KCNJ16: variants seen among roughly 807,000 people sequenced by gnomAD.
KCNJ16 encodes the protein potassium inwardly rectifying channel subfamily J member 16, also known as inward rectifier potassium channel 16.
A neutral mutation model predicts 18.5 loss-of-function variants in KCNJ16; 15 were observed. The ratio of observed to expected loss-of-function variants is 0.81; its 90% CI spans 0.54 to 1.25. The LOEUF (loss-of-function observed/expected upper bound fraction) is 1.25. KCNJ16 is among the 50% of genes most tolerant of loss of function. The pLI is 0.00. For synonymous variants in KCNJ16, 174 were observed against 186.5 expected (o/e 0.93, Z 0.55); for missense variants, 523 against 525.7 (o/e 0.99, Z 0.05).
Position 70,134,685 on chromosome 17 carries a change from T to G in KCNJ16, c.*1341T>G, listed in dbSNP as rs1018122811. 8 of 167,032 alleles carry G rather than the reference T, an allele frequency of 4.8e-5. No homozygotes were observed. The highest frequency in any genetic ancestry group is 1.3e-4 in the Admixed American group (2 of 15,296). The allele number at this position is 167,032 out of a possible 1,614,324, so 10.3% of individuals were successfully genotyped here. A position where few individuals can be genotyped will look rare whatever the true frequency, so the allele number is the denominator to read the frequency against. Reference sequence around the variant, plus strand: ...ATTCAGAATTATTTGTGTTTTGTTTTTGTTTTACATTGTTGCTGCACTGGC... The same window carrying G: ...ATTCAGAATTATTTGTGTTTTGTTTGTGTTTTACATTGTTGCTGCACTGGC... On this transcript the variant is annotated 3_prime_UTR_variant, in exon 4 of 4. Transcript: ENST00000392671.
chr17:70,085,055 C>T (rs549301776), intron 1 of KCNJ16, among the ~76,000 whole-genome samples: 1 of 152,248 alleles, frequency 6.6e-6, no homozygotes, highest in Non-Finnish European at 1.5e-5. Context: ...TTCTCTGTAT[C>T]ATGAAGATAC....
chr17:70,123,030 C>T (rs187633332), intron 2 of KCNJ16, among the ~76,000 whole-genome samples: 3 of 152,316 alleles, frequency 2.0e-5, no homozygotes, highest in Admixed American at 1.3e-4. Context: ...TTTCCCCCAA[C>T]TGATTTTCCA....
chr17:70,102,836 G>T (rs983172913), intron 2 of KCNJ16, among the ~76,000 whole-genome samples: 2 of 152,038 alleles, frequency 1.3e-5, no homozygotes, highest in African/African-American at 4.8e-5. Flanking sequence ...TTTCATCAAG[G>T]TCACCAGTGA....
chr17:70,112,315 C>A (rs755585166), intron 2 of KCNJ16, among the ~76,000 whole-genome samples: 2 of 151,774 alleles, frequency 1.3e-5, no homozygotes, highest in African/African-American at 4.8e-5. Context: ...CTGGCATGGG[C>A]ATATTCACAA....
intron 2 of KCNJ16, among the ~76,000 whole-genome samples, chr17:70,124,294 C>T (rs760541382): frequency 6.6e-6 from 1 of 152,138 alleles, no homozygotes; most frequent in Non-Finnish European, 1.5e-5. Flanking sequence ...ATGATAGTTA[C>T]TGCTATCAGA....
At chr17:70,075,809 C>G (rs1372363084) in intron 1 of KCNJ16, among the ~76,000 whole-genome samples, 2 of 147,268 alleles carry the variant, frequency 1.4e-5, no homozygotes, top group Non-Finnish European at 3.0e-5. Flanking sequence ...TTTATACCCC[C>G]CTCTTAAAAA....
chr17:70,114,237 GA>G (rs2073309422), intron 2 of KCNJ16, among the ~76,000 whole-genome samples: 1 of 152,092 alleles, frequency 6.6e-6, no homozygotes, highest in African/African-American at 2.4e-5. Context: ...ACTATCCAGG[GA>G]GTTTCTGGTC....
At chr17:70,124,083 C>G (rs959010043) in intron 2 of KCNJ16, among the ~76,000 whole-genome samples, 8 of 152,134 alleles carry the variant, frequency 5.3e-5, no homozygotes, top group Non-Finnish European at 1.0e-4. Flanking sequence ...CAGATAGTGA[C>G]TGTACCTCAA....
At chr17:70,114,827 A>G (rs1009091752) in intron 2 of KCNJ16, among the ~76,000 whole-genome samples, 1 of 152,184 alleles carries the variant, frequency 6.6e-6, no homozygotes, top group Non-Finnish European at 1.5e-5. Context: ...TTGAAAGATG[A>G]TATTAATCTA....
chr17:70,101,912 T>C (rs1030107727), intron 2 of KCNJ16: 1 of 152,086 alleles, frequency 6.6e-6, no homozygotes, highest in Non-Finnish European at 1.5e-5. Flanking sequence ...TACTGAAAAG[T>C]ATTATCACAG....
chr17:70,121,653 C>G (rs73382062), intron 2 of KCNJ16, among the ~76,000 whole-genome samples: 1,981 of 152,126 alleles, frequency 0.013, 47 homozygotes, highest in African/African-American at 0.044. Flanking sequence ...AAGAGGGCTG[C>G]GTGTAGTGGG....
At position 70,133,098 on chromosome 17, in the gene KCNJ16, C is replaced by G; in HGVS notation, c.1011C>G (p.Pro337=). 6.2e-7 allele frequency: 1 copy of G among 1,614,198 alleles called. No homozygotes were observed. The highest frequency in any genetic ancestry group is 8.5e-7 in the Non-Finnish European group (1 of 1,180,040). ...AAGGAAGTGTGGAAGTATATGCCCC[C>G]TTTTGCAGTGCCAAGCAATTGGACT... ...QFEGSVEVYA[P]FCSAKQLDWK... The change falls in exon 4 of 4, where the codon CCC becomes CCG. Residue 337 remains proline, a synonymous_variant. Coordinates refer to ENST00000392671, the MANE Select transcript of KCNJ16 (RefSeq NM_170741.4).
In KCNJ16 at chr17:70,133,567, C is replaced by T. The variant is rs1229333563; in HGVS notation, c.*223C>T. On this transcript the variant is annotated 3_prime_UTR_variant, in exon 4 of 4. Coordinates refer to ENST00000392671, the MANE Select transcript of KCNJ16 (RefSeq NM_170741.4). ...ATTTTGTATTAAGAATGCTATTAAGCCTAATTGATTAAAATTTATCTTTTT... is the reference window on the plus strand; with the variant it reads ...ATTTTGTATTAAGAATGCTATTAAGTCTAATTGATTAAAATTTATCTTTTT... The T allele has an allele frequency of 4.6e-6, 2 of 437,510 alleles. No individual in the cohort carries two copies. Among genetic ancestry groups the T allele is most frequent in the Admixed American group, 3.9e-5 (1 of 25,620 alleles). The allele number at this position is 437,510 out of a possible 1,614,324, so 27.1% of individuals were successfully genotyped here.
chr17:70,105,068 T>A (rs1471732579), intron 2 of KCNJ16: 1 of 152,542 alleles, frequency 6.6e-6, no homozygotes, highest in African/African-American at 2.4e-5. Flanking sequence ...TCATCATCTT[T>A]CACTAAGGTA....
intron 2 of KCNJ16, among the ~76,000 whole-genome samples, chr17:70,106,206 A>G (rs1414171593): frequency 1.3e-5 from 2 of 152,118 alleles, no homozygotes; most frequent in Non-Finnish European, 2.9e-5. Flanking sequence ...CCTGACAAAT[A>G]TGGCTCAAAA....
At chr17:70,092,545 TA>T (rs1222679159) in intron 1 of KCNJ16, among the ~76,000 whole-genome samples, 6 of 111,030 alleles carry the variant, frequency 5.4e-5, no homozygotes, top group African/African-American at 7.7e-5. Context: ...TAGATATAGA[TA>T]GATATAGATA....
intron 2 of KCNJ16, among the ~76,000 whole-genome samples, chr17:70,121,080 C>T (rs2073619362): frequency 6.6e-6 from 1 of 152,130 alleles, no homozygotes; most frequent in African/African-American, 2.4e-5. Context: ...CTGGGTGTGG[C>T]ATGAACTTCC....
Position 70,135,067 on chromosome 17 carries a change from T to A in KCNJ16, c.*1723T>A, listed in dbSNP as rs2074181725. On this transcript the variant is annotated 3_prime_UTR_variant, in exon 4 of 4. Coordinates refer to ENST00000392671, the MANE Select transcript of KCNJ16 (RefSeq NM_170741.4). ...TTACTTTTTAAATGCACGTATGCAA[T>A]CTTTTATTCCTCTTGTTTTATGGAT... 6.3e-6 allele frequency: 1 copy of A among 158,434 alleles called. No individual in the cohort carries two copies. The highest frequency in any genetic ancestry group is 2.6e-5 in the African/African-American group (1 of 39,050). 9.8% of individuals were successfully genotyped at this position (158,434 alleles called of 1,614,324 possible).
At chr17:70,109,491 A>G (rs1308181107) in intron 2 of KCNJ16, among the ~76,000 whole-genome samples, 1 of 152,138 alleles carries the variant, frequency 6.6e-6, no homozygotes, top group Non-Finnish European at 1.5e-5. Context: ...TCTTAGCTAC[A>G]TAAATATCTA....
Sources: allele counts gnomAD v4.1 joint callset (sites outside exome capture counted in the v4.1 genomes callset), GRCh38; gene constraint gnomAD v4.1.1; transcripts MANE v1.5; gene names NCBI Gene and HGNC (gene_info 2026-07-23, HGNC 2026-07-21).